PTPRN2: variants seen among roughly 807,000 people sequenced by gnomAD.
The protein encoded by PTPRN2 is receptor-type tyrosine-protein phosphatase N2.
A neutral mutation model predicts 118.8 loss-of-function variants in PTPRN2; 74 were observed. That is an observed-to-expected ratio of 0.62 (90% CI 0.52 to 0.76). The LOEUF is 0.76. PTPRN2 is among the 30% of genes least tolerant of loss of function. The probability of loss-of-function intolerance (pLI) is 0.00; values close to 1 mark genes in which losing one functional copy is unlikely to be tolerated. For synonymous variants in PTPRN2, 641 were observed against 608.0 expected (o/e 1.05, Z -0.80); for missense variants, 1,481 against 1,394.4 (o/e 1.06, Z -0.99).
intron 11 of PTPRN2, among the ~76,000 whole-genome samples, chr7:158,070,965 CTCA>C (rs1811348186): frequency 2.0e-5 from 1 of 50,724 alleles, no homozygotes; most frequent in African/African-American, 1.1e-4. Flanking sequence ...GGTGGAGGTG[CTCA>C]CGGTGGAGGT....
chr7:158,444,107 G>A (rs981464478), intron 2 of PTPRN2, among the ~76,000 whole-genome samples: 1 of 152,226 alleles, frequency 6.6e-6, no homozygotes, highest in Non-Finnish European at 1.5e-5. Flanking sequence ...TGTGGGCACT[G>A]CCACTCACCC....
At chr7:158,459,798 G>A (rs1818839129) in intron 2 of PTPRN2, among the ~76,000 whole-genome samples, 1 of 147,358 alleles carries the variant, frequency 6.8e-6, no homozygotes, top group African/African-American at 2.5e-5. Flanking sequence ...GCTCCTCCTA[G>A]AGGGGCTGTG....
At chr7:158,070,518 T>C (rs1377215554) in intron 11 of PTPRN2, among the ~76,000 whole-genome samples, 139 of 95,630 alleles carry the variant, frequency 1.5e-3, no homozygotes, top group Middle Eastern at 0.01. Flanking sequence ...GTGGAGGTGC[T>C]CCTGGTGGTG....
intron 12 of PTPRN2, among the ~76,000 whole-genome samples, chr7:157,771,026 G>T (rs1264298607): frequency 2.0e-5 from 3 of 152,254 alleles, no homozygotes; most frequent in Non-Finnish European, 4.4e-5. Flanking sequence ...AGACTCGAGA[G>T]ACTGGCAGCT....
intron 2 of PTPRN2, among the ~76,000 whole-genome samples, chr7:158,358,511 G>A (rs950913741): frequency 2.0e-5 from 3 of 152,186 alleles, no homozygotes; most frequent in Non-Finnish European, 2.9e-5. Context: ...GTACCCCCAC[G>A]CACACAGCAT....
At chr7:157,703,204 G>T (rs1006799294) in intron 12 of PTPRN2, among the ~76,000 whole-genome samples, 1 of 152,202 alleles carries the variant, frequency 6.6e-6, no homozygotes, top group South Asian at 2.1e-4. Flanking sequence ...ACTGGACCTG[G>T]TGACTCCACT....
chr7:157,995,431 C>T (rs562340451), intron 11 of PTPRN2, among the ~76,000 whole-genome samples: 1 of 152,380 alleles, frequency 6.6e-6, no homozygotes, highest in South Asian at 2.1e-4. Flanking sequence ...TTATTTTCAT[C>T]CAACTCTCTC....
At chr7:158,510,479 A>T (rs1268780022) in intron 1 of PTPRN2, among the ~76,000 whole-genome samples, 4 of 149,382 alleles carry the variant, frequency 2.7e-5, no homozygotes, top group African/African-American at 1.0e-4. Context: ...TCTCTCTCTC[A>T]CCCAGAGTCC....
In PTPRN2 at chr7:157,611,033, C is replaced by A. The variant is rs1802298900; in HGVS notation, c.2345-6958G>T. Among the ~76,000 whole-genome samples, 4 of 152,156 alleles carry A rather than the reference C, an allele frequency of 2.6e-5. No homozygotes were observed. The highest frequency in any genetic ancestry group is 2.6e-4 in the Admixed American group (4 of 15,266). On this transcript the variant is annotated intron_variant, in intron 15 of 22. Coordinates refer to ENST00000389418, the MANE Select transcript of PTPRN2 (RefSeq NM_002847.5). The surrounding 1 kb of genome is among the most constrained non-coding windows in gnomAD (Gnocchi z 5.9). ...AGATGGTCATGAAAATGAGACCTGC[C>A]CCACCCACCACTCAGGAGGCACGCT...
chr7:158,081,889 C>T (rs1237112615), intron 10 of PTPRN2, among the ~76,000 whole-genome samples: 1 of 152,146 alleles, frequency 6.6e-6, no homozygotes, highest in Admixed American at 6.5e-5. Context: ...TTGTTCAAAG[C>T]TTTTTAAATG....
chr7:158,099,840 C>T (rs1815077350), intron 10 of PTPRN2, among the ~76,000 whole-genome samples: 1 of 98,812 alleles, frequency 1.0e-5, no homozygotes, highest in Non-Finnish European at 2.0e-5. Flanking sequence ...CCTCCTCTTC[C>T]TCCCCCCATC....
intron 14 of PTPRN2, among the ~76,000 whole-genome samples, chr7:157,655,849 G>A (rs1316351069): frequency 1.3e-5 from 2 of 152,198 alleles, no homozygotes; most frequent in South Asian, 2.1e-4. Context: ...CGCTGAAGCC[G>A]CGTCGCCGTG....
chr7:158,375,480 C>T (rs1448963496), intron 2 of PTPRN2, among the ~76,000 whole-genome samples: 1 of 152,222 alleles, frequency 6.6e-6, no homozygotes, highest in African/African-American at 2.4e-5. Context: ...CACAGCTGAA[C>T]ATTAAATCCA....
At chr7:158,389,620 T>A (rs1206723686) in intron 2 of PTPRN2, among the ~76,000 whole-genome samples, 1 of 152,256 alleles carries the variant, frequency 6.6e-6, no homozygotes, top group African/African-American at 2.4e-5. Context: ...AAGGTACATT[T>A]GCAATAACGG....
intron 11 of PTPRN2, among the ~76,000 whole-genome samples, chr7:157,981,508 A>G (rs1385808930): frequency 2.0e-5 from 3 of 152,244 alleles, no homozygotes; most frequent in Non-Finnish European, 4.4e-5. Flanking sequence ...TAAAATAGTA[A>G]AAACAATAGT....
intron 2 of PTPRN2, among the ~76,000 whole-genome samples, chr7:158,429,620 C>T (rs1487830242): frequency 2.0e-5 from 3 of 152,262 alleles, no homozygotes; most frequent in African/African-American, 7.2e-5. Context: ...ACATGGCCAT[C>T]CCAACAGCAG....
chr7:158,068,793 G>C (rs1810983690), intron 11 of PTPRN2, among the ~76,000 whole-genome samples: 1 of 152,216 alleles, frequency 6.6e-6, no homozygotes, highest in African/African-American at 2.4e-5. Flanking sequence ...TGAGGAAATT[G>C]TGTAATTACT....
At position 157,784,178 on chromosome 7, in the gene PTPRN2, A is replaced by G. The variant is rs1401301293; in HGVS notation, c.1789-101241T>C. 3.3e-5 allele frequency among the ~76,000 whole-genome samples: 5 copies of G among 152,130 alleles called. No homozygotes were observed. Among genetic ancestry groups the G allele is most frequent in the Non-Finnish European group, 5.9e-5 (4 of 68,040 alleles). Reference sequence around the variant, plus strand: ...GGCACAGGCAGCTCAACGTTAGGCCAGGGACCAATCTTACCACGTGGCTTC... The same window carrying G: ...GGCACAGGCAGCTCAACGTTAGGCCGGGGACCAATCTTACCACGTGGCTTC... On this transcript the variant is annotated intron_variant, in intron 12 of 22. Transcript: ENST00000389418. This position sits in a 1 kb window ranked among gnomAD's most constrained non-coding sequence, Gnocchi z 4.6.
At position 158,133,660 on chromosome 7, in the gene PTPRN2, C is replaced by A. The variant is rs372220211; in HGVS notation, c.1556+17G>T. On this transcript the variant is annotated intron_variant, in intron 9 of 22. Transcript: ENST00000389418. The stretch of plus-strand genomic sequence containing the variant: ...CCTCCCTCGGCACACAGGAGCTTAG[C>A]CAGGGCTGCTACTCACTCTCTGTCT... 3.2e-6 allele frequency: 5 copies of A among 1,550,164 alleles called. No homozygotes were observed. The highest frequency in any genetic ancestry group is 4.3e-6 in the Non-Finnish European group (5 of 1,151,354).
Sources: gnomAD v4.1 joint callset for allele counts (sites outside exome capture counted in the v4.1 genomes callset) on GRCh38, gnomAD v4.1.1 for gene constraint, Gnocchi (gnomAD v3.1) non-coding constraint, MANE v1.5 for transcripts, NCBI Gene and HGNC (gene_info 2026-07-23, HGNC 2026-07-21) for gene names.